Variants in LUZP2 observed in about 807,000 individuals in gnomAD.
LUZP2 encodes the protein leucine zipper protein 2.
In LUZP2, 52 loss-of-function variants were observed where a neutral mutation model predicts 51.6. The observed-to-expected ratio is 1.01, with a 90% confidence interval of 0.81 to 1.27. LUZP2 has a LOEUF of 1.27. Among genes scored for constraint, LUZP2 ranks in the 50% most tolerant of loss-of-function variants. The probability of loss-of-function intolerance (pLI) is 0.00; values close to 1 mark genes in which losing one functional copy is unlikely to be tolerated. For missense variants in LUZP2, 436 were observed against 395.4 expected, an observed-to-expected ratio of 1.10 and a Z score of -0.87; for synonymous variants, 154 against 137.3, an observed-to-expected ratio of 1.12 and a Z score of -0.85.
At chr11:24,557,086 C>T (rs1200343068) in intron 1 of LUZP2, among the ~76,000 whole-genome samples, 1 of 152,110 alleles carries the variant, frequency 6.6e-6, no homozygotes, top group Non-Finnish European at 1.5e-5. Context: ...AATGAAGCTT[C>T]CGGGTATTTC....
chr11:24,761,496 A>G (rs1277136904), intron 4 of LUZP2, among the ~76,000 whole-genome samples: 1 of 152,142 alleles, frequency 6.6e-6, no homozygotes, highest in Non-Finnish European at 1.5e-5. Context: ...TCATCCAGTA[A>G]CTGGGAAATG....
intron 5 of LUZP2, among the ~76,000 whole-genome samples, chr11:24,857,907 A>G (rs1340227032): frequency 2.6e-5 from 4 of 152,238 alleles, no homozygotes; most frequent in Non-Finnish European, 5.9e-5. Flanking sequence ...GGGTGCACCC[A>G]GTTCATGTAT....
intron 4 of LUZP2, among the ~76,000 whole-genome samples, chr11:24,747,892 C>T (rs1859438546): frequency 1.3e-5 from 2 of 152,070 alleles, no homozygotes; most frequent in African/African-American, 4.8e-5. Context: ...AAGGGCTGGT[C>T]TCACTCCCAC....
chr11:24,842,100 G>A (rs1404966963), intron 5 of LUZP2, among the ~76,000 whole-genome samples: 2 of 150,970 alleles, frequency 1.3e-5, no homozygotes, highest in Non-Finnish European at 3.0e-5. Context: ...TAGATATACT[G>A]ACACTTATTT....
chr11:24,634,319 T>C (rs1399105634), intron 1 of LUZP2, among the ~76,000 whole-genome samples: 1 of 152,098 alleles, frequency 6.6e-6, no homozygotes, highest in African/African-American at 2.4e-5. Context: ...ATGTATACCA[T>C]AATCAGATAC....
rs560366334 is a variant in LUZP2, at chr11:24,884,939, A to C, written c.397-21052A>C. Among the ~76,000 whole-genome samples the C allele has an allele frequency of 9.5e-4, 145 of 152,200 alleles. 1 individual carries two copies. The Middle Eastern group carries it at 0.01, about 11-fold the overall frequency. On this transcript the variant is annotated intron_variant, in intron 5 of 11. Transcript: ENST00000336930. ...CAAAATTGATTTTAGGGTGATTGCTATTCTGTATCTTTAGCTACATTTTTA... is the reference window on the plus strand; with the variant it reads ...CAAAATTGATTTTAGGGTGATTGCTCTTCTGTATCTTTAGCTACATTTTTA...
At chr11:24,776,538 C>T (rs1284925064) in intron 5 of LUZP2, among the ~76,000 whole-genome samples, 1 of 152,090 alleles carries the variant, frequency 6.6e-6, no homozygotes, top group Non-Finnish European at 1.5e-5. Flanking sequence ...CTACTCCCTG[C>T]CATCCTCGAT....
chr11:24,998,926 A>C (rs1478885716), intron 9 of LUZP2, among the ~76,000 whole-genome samples: 4 of 152,204 alleles, frequency 2.6e-5, no homozygotes. Flanking sequence ...AATAGTTTAA[A>C]ATTTTAAAAC....
intron 5 of LUZP2, among the ~76,000 whole-genome samples, chr11:24,895,485 A>T (rs1191328846): frequency 6.6e-6 from 1 of 152,108 alleles, no homozygotes; most frequent in Non-Finnish European, 1.5e-5. Flanking sequence ...TATCGTACCT[A>T]AGAGTCTTTA....
chr11:24,795,394 A>C (rs1355735585), intron 5 of LUZP2, among the ~76,000 whole-genome samples: 3 of 152,176 alleles, frequency 2.0e-5, no homozygotes, highest in Non-Finnish European at 4.4e-5. Context: ...TTCCTACAGC[A>C]TTAAAACAGT....
intron 5 of LUZP2, among the ~76,000 whole-genome samples, chr11:24,811,428 C>A (rs1850018049): frequency 6.6e-6 from 1 of 152,114 alleles, no homozygotes; most frequent in African/African-American, 2.4e-5. Context: ...TAGTCGCTGT[C>A]TTATCTGACA....
At chr11:24,896,363 G>T (rs952554604) in intron 5 of LUZP2, among the ~76,000 whole-genome samples, 5 of 152,170 alleles carry the variant, frequency 3.3e-5, no homozygotes, top group Non-Finnish European at 2.9e-5. Flanking sequence ...CGGGGCCTCA[G>T]CGGTCCCCAC....
chr11:24,744,858 T>A (rs941675772), intron 4 of LUZP2, among the ~76,000 whole-genome samples: 1 of 152,162 alleles, frequency 6.6e-6, no homozygotes, highest in Non-Finnish European at 1.5e-5. Context: ...CTATGAACTT[T>A]CCTCATAGCA....
chr11:24,522,292 A>G (rs1850665004), intron 1 of LUZP2, among the ~76,000 whole-genome samples: 1 of 152,104 alleles, frequency 6.6e-6, no homozygotes, highest in Admixed American at 6.6e-5. Context: ...AACTAATTCT[A>G]AAAACCACCT....
In LUZP2 at chr11:24,812,857, C is replaced by A. The variant is rs61469522; in HGVS notation, c.396+49549C>A. On this transcript the variant is annotated intron_variant, in intron 5 of 11. Coordinates refer to ENST00000336930, the MANE Select transcript of LUZP2 (RefSeq NM_001009909.4). ...GATGCTTTCATACAGGCTCGCTAGG[C>A]ATATTCACATCTTAAAGATGCACAT... is the stretch of plus-strand genomic sequence containing the variant. Among the ~76,000 whole-genome samples, 845 of 152,258 alleles carry A rather than the reference C, an allele frequency of 5.5e-3. 13 individuals are homozygous for A. The highest frequency in any genetic ancestry group is 0.019 in the African/African-American group (803 of 41,550).
intron 1 of LUZP2, among the ~76,000 whole-genome samples, chr11:24,710,471 C>A (rs560288892): frequency 6.6e-6 from 1 of 152,236 alleles, no homozygotes; most frequent in East Asian, 1.9e-4. Context: ...AAATGGGTTT[C>A]TGTATAGATA....
intron 1 of LUZP2, among the ~76,000 whole-genome samples, chr11:24,613,900 G>A (rs1053326531): frequency 6.6e-6 from 1 of 151,812 alleles, no homozygotes; most frequent in East Asian, 1.9e-4. Context: ...AATATCCCAT[G>A]AAAACATTTT....
chr11:24,753,330 C>T (rs1290279451), intron 4 of LUZP2, among the ~76,000 whole-genome samples: 2 of 152,096 alleles, frequency 1.3e-5, no homozygotes, highest in African/African-American at 2.4e-5. Context: ...CTGGACATGC[C>T]ACCCTTCAGT....
intron 1 of LUZP2, among the ~76,000 whole-genome samples, chr11:24,665,636 A>C (rs1441522641): frequency 6.6e-6 from 1 of 152,110 alleles, no homozygotes; most frequent in Non-Finnish European, 1.5e-5. Flanking sequence ...ATGCTAGTAA[A>C]AAATTTGTCA....
Sources: allele counts gnomAD v4.1 joint callset (sites outside exome capture counted in the v4.1 genomes callset), GRCh38; gene constraint gnomAD v4.1.1; transcripts MANE v1.5; gene names NCBI Gene and HGNC (gene_info 2026-07-23, HGNC 2026-07-21).